GRIK2: variants seen among roughly 807,000 people sequenced by gnomAD.
GRIK2 encodes glutamate ionotropic receptor kainate type subunit 2, also known as glutamate receptor ionotropic, kainate 2.
In GRIK2, 32 loss-of-function variants were observed where a neutral mutation model predicts 100.3. The observed-to-expected ratio is 0.32, with a 90% CI of 0.24 to 0.43. The LOEUF (loss-of-function observed/expected upper bound fraction) is 0.43. Among genes scored for constraint, GRIK2 ranks in the 20% least tolerant of loss-of-function variants. The pLI is 1.00. For missense variants in GRIK2, 843 were observed against 1,114.9 expected (o/e 0.76, Z 3.47); for synonymous variants, 417 against 389.4 (o/e 1.07, Z -0.83).
rs138560488 is a variant in GRIK2 at position 101,781,833 on chromosome 6, G to GT, written c.952-17804dup. Among the ~76,000 whole-genome samples, 154 of 146,964 alleles carry GT rather than the reference G, an allele frequency of 1.0e-3. 1 individual carries two copies. Among genetic ancestry groups the GT allele is most frequent in the Middle Eastern group, 7.1e-3 (2 of 282 alleles). On this transcript the variant is annotated intron_variant, in intron 7 of 16. Transcript: ENST00000369134. Reference sequence around the variant, plus strand: ...ATTATTGAACCATATTCATACATTAGTTTTTTTTTTTCTAAAATAAACAAC... The same window carrying GT: ...ATTATTGAACCATATTCATACATTAGTTTTTTTTTTTTCTAAAATAAACAAC...
chr6:101,659,248 A>G (rs1414032666), intron 4 of GRIK2, among the ~76,000 whole-genome samples: 4 of 152,222 alleles, frequency 2.6e-5, no homozygotes, highest in Admixed American at 2.6e-4. Flanking sequence ...CAGTTTTCCC[A>G]ACACCATTTA....
At chr6:101,455,437 A>AC (rs1226038523) in intron 2 of GRIK2, among the ~76,000 whole-genome samples, 2 of 151,966 alleles carry the variant, frequency 1.3e-5, no homozygotes, top group Non-Finnish European at 2.9e-5. Context: ...ACCTTTTTAA[A>AC]CTTATTTTCT....
chr6:101,518,337 C>G (rs1774693887), intron 2 of GRIK2, among the ~76,000 whole-genome samples: 1 of 152,090 alleles, frequency 6.6e-6, no homozygotes, highest in Non-Finnish European at 1.5e-5. Flanking sequence ...GGCTGACTTT[C>G]TTATGTACTC....
chr6:101,623,342 G>A (rs1780259962), intron 3 of GRIK2, among the ~76,000 whole-genome samples: 1 of 152,058 alleles, frequency 6.6e-6, no homozygotes, highest in Non-Finnish European at 1.5e-5. Context: ...TTCAGAGCCT[G>A]TCAGGTGATG....
chr6:101,699,851 A>G (rs1440973198), intron 7 of GRIK2, among the ~76,000 whole-genome samples: 1 of 152,134 alleles, frequency 6.6e-6, no homozygotes, highest in Admixed American at 6.6e-5. Context: ...TCACAATATG[A>G]AAACCTACAC....
chr6:101,595,653 CACAT>C (rs1248413894), intron 2 of GRIK2, among the ~76,000 whole-genome samples: 1 of 149,228 alleles, frequency 6.7e-6, no homozygotes, highest in Non-Finnish European at 1.5e-5. Flanking sequence ...TATATATAAA[CACAT>C]ATTTATATAC....
At chr6:101,606,513 A>G (rs534320601) in intron 2 of GRIK2, among the ~76,000 whole-genome samples, 57 of 152,100 alleles carry the variant, frequency 3.7e-4, no homozygotes, top group African/African-American at 1.3e-3. Context: ...TAAGCTCCTC[A>G]GATCACAGCT....
chr6:101,491,519 AAG>A (rs1323351873), intron 2 of GRIK2, among the ~76,000 whole-genome samples: 2 of 152,022 alleles, frequency 1.3e-5, no homozygotes, highest in Admixed American at 6.6e-5. Context: ...TAAATATAAA[AAG>A]AATATTATAA....
At chr6:101,900,243 T>A (rs1787752758) in intron 12 of GRIK2, among the ~76,000 whole-genome samples, 1 of 152,060 alleles carries the variant, frequency 6.6e-6, no homozygotes, top group African/African-American at 2.4e-5. Flanking sequence ...GGTGGGCAGA[T>A]CACCTGAGGT....
At chr6:101,555,655 A>C (rs1237419213) in intron 2 of GRIK2, among the ~76,000 whole-genome samples, 1 of 152,190 alleles carries the variant, frequency 6.6e-6, no homozygotes, top group Admixed American at 6.5e-5. Flanking sequence ...TCAGAATTAT[A>C]ATGTTTGTAG....
chr6:101,708,482 A>C (rs1225126203), intron 7 of GRIK2, among the ~76,000 whole-genome samples: 1 of 151,524 alleles, frequency 6.6e-6, no homozygotes, highest in Admixed American at 6.6e-5. Context: ...TTTAGTGAGT[A>C]AATCCATCTA....
chr6:102,030,672 C>T (rs975343632), intron 14 of GRIK2, among the ~76,000 whole-genome samples: 1 of 151,120 alleles, frequency 6.6e-6, no homozygotes, highest in African/African-American at 2.4e-5. Context: ...GATTTTCTTC[C>T]TTCTCTGTTT....
chr6:101,591,141 A>G (rs1778619167), intron 2 of GRIK2, among the ~76,000 whole-genome samples: 1 of 151,596 alleles, frequency 6.6e-6, no homozygotes, highest in South Asian at 2.1e-4. Flanking sequence ...AAAGGTTCTG[A>G]CTTTCTAGAT....
intron 14 of GRIK2, among the ~76,000 whole-genome samples, chr6:101,937,774 G>C (rs1457192434): frequency 6.6e-6 from 1 of 151,910 alleles, no homozygotes; most frequent in African/African-American, 2.4e-5. Context: ...ATCGTTTTGG[G>C]GGTGGGGGGT....
intron 2 of GRIK2, among the ~76,000 whole-genome samples, chr6:101,548,270 T>C (rs1191207235): frequency 1.3e-5 from 2 of 152,238 alleles, no homozygotes; most frequent in African/African-American, 4.8e-5. Context: ...TTTTGTAGGT[T>C]GCCTGTTCAC....
At chr6:101,849,848 C>T (rs1382905273) in intron 10 of GRIK2, among the ~76,000 whole-genome samples, 2 of 36,096 alleles carry the variant, frequency 5.5e-5, no homozygotes, top group African/African-American at 1.1e-4. Context: ...TTGGTCAACC[C>T]TATGTTCATT....
intron 2 of GRIK2, among the ~76,000 whole-genome samples, chr6:101,621,178 A>T (rs1780139030): frequency 6.6e-6 from 1 of 152,186 alleles, no homozygotes; most frequent in Non-Finnish European, 1.5e-5. Context: ...CAATAAATGC[A>T]CGGTGGCTCA....
intron 11 of GRIK2, among the ~76,000 whole-genome samples, chr6:101,866,074 T>C (rs117259713): frequency 5.5e-4 from 84 of 152,292 alleles, no homozygotes; most frequent in East Asian, 3.7e-3. Context: ...GTGACAACTA[T>C]TAACATATTT....
chr6:101,787,909 T>C (rs1022877129), intron 7 of GRIK2, among the ~76,000 whole-genome samples: 16 of 152,274 alleles, frequency 1.1e-4, no homozygotes, highest in Non-Finnish European at 2.1e-4. Context: ...AGTCCTTAAC[T>C]ATTTCTGTAT....
Sources: allele counts gnomAD v4.1 joint callset (sites outside exome capture counted in the v4.1 genomes callset), GRCh38; gene constraint gnomAD v4.1.1; transcripts MANE v1.5; gene names NCBI Gene and HGNC (gene_info 2026-07-23, HGNC 2026-07-21).